Variants in RERE observed in about 807,000 individuals in gnomAD.
RERE encodes the protein arginine-glutamic acid dipeptide repeats, also known as arginine-glutamic acid dipeptide repeats protein.
In RERE, 40 loss-of-function variants were observed where a neutral mutation model predicts 146.1. That is an observed-to-expected ratio of 0.27 (90% confidence interval 0.21 to 0.36). The LOEUF is 0.36. Among genes scored for constraint, RERE ranks in the 10% least tolerant of loss-of-function variants. The probability of loss-of-function intolerance (pLI) is 1.00; values close to 1 mark genes in which losing one functional copy is unlikely to be tolerated. For synonymous variants in RERE, 1,003 were observed against 866.0 expected (o/e 1.16, Z -2.78); for missense variants, 1,933 against 2,138.7 (o/e 0.90, Z 1.90).
chr1:8,729,381 T>C (rs1375697961), intron 1 of RERE, among the ~76,000 whole-genome samples: 2 of 143,858 alleles, frequency 1.4e-5, no homozygotes, highest in Admixed American at 1.4e-4. Context: ...CGTGCCACCA[T>C]GCCTGGCTAA....
At chr1:8,783,849 G>C (rs778720605) in intron 1 of RERE, among the ~76,000 whole-genome samples, 1 of 152,036 alleles carries the variant, frequency 6.6e-6, no homozygotes, top group Non-Finnish European at 1.5e-5. Flanking sequence ...CTGAATGGGT[G>C]GTCCCCAGAA....
intron 11 of RERE, among the ~76,000 whole-genome samples, chr1:8,445,161 G>A (rs1644301566): frequency 6.6e-6 from 1 of 152,188 alleles, no homozygotes; most frequent in African/African-American, 2.4e-5. Flanking sequence ...TCTACCTAAA[G>A]GAAGACCCAG....
chr1:8,590,494 C>A (rs191602297), intron 4 of RERE, among the ~76,000 whole-genome samples: 73 of 152,194 alleles, frequency 4.8e-4, no homozygotes, highest in Admixed American at 1.6e-3. Context: ...TTTTATGAAA[C>A]TGCAGAGACT....
chr1:8,792,141 C>A (rs1319492685), intron 1 of RERE, among the ~76,000 whole-genome samples: 1 of 151,988 alleles, frequency 6.6e-6, no homozygotes, highest in African/African-American at 2.4e-5. Flanking sequence ...TATAAGAGCG[C>A]CTTCTTCACT....
At chr1:8,740,078 G>A (rs1411392902) in intron 1 of RERE, among the ~76,000 whole-genome samples, 1 of 151,810 alleles carries the variant, frequency 6.6e-6, no homozygotes, top group East Asian at 1.9e-4. Context: ...CAAGTTACTT[G>A]CCCCTGCTAA....
intron 12 of RERE, among the ~76,000 whole-genome samples, chr1:8,371,922 G>A (rs1642052216): frequency 1.3e-5 from 2 of 152,364 alleles, no homozygotes; most frequent in South Asian, 2.1e-4. Context: ...GTGCACAGAT[G>A]TGAGCAGGGT....
chr1:8,728,500 C>T (rs888589833), intron 1 of RERE, among the ~76,000 whole-genome samples: 13 of 150,174 alleles, frequency 8.7e-5, no homozygotes, highest in African/African-American at 2.7e-4. Context: ...ATGTTTAGAG[C>T]GAAAAAGTCT....
chr1:8,433,144 T>C (rs775937455), intron 11 of RERE, among the ~76,000 whole-genome samples: 2 of 152,228 alleles, frequency 1.3e-5, no homozygotes, highest in Non-Finnish European at 2.9e-5. Context: ...TCCCCCGTAC[T>C]GGTAACTAGC....
chr1:8,577,085 C>T (rs762309113), intron 4 of RERE, among the ~76,000 whole-genome samples: 7 of 151,424 alleles, frequency 4.6e-5, no homozygotes, highest in Non-Finnish European at 1.0e-4. Flanking sequence ...AGGAGAATGG[C>T]GTGAACCCGG....
chr1:8,777,501 G>A (rs1641087164), intron 1 of RERE, among the ~76,000 whole-genome samples: 1 of 150,818 alleles, frequency 6.6e-6, no homozygotes, highest in South Asian at 2.1e-4. Flanking sequence ...ACAGTAGTTT[G>A]AGACAGGTCA....
intron 7 of RERE, among the ~76,000 whole-genome samples, chr1:8,535,195 T>TA (rs1645709288): frequency 6.6e-6 from 1 of 152,168 alleles, no homozygotes; most frequent in Non-Finnish European, 1.5e-5. Context: ...GGATACAAAA[T>TA]AATTGGCCTA....
chr1:8,691,911 T>C (rs879740402), intron 1 of RERE, among the ~76,000 whole-genome samples: 2 of 152,224 alleles, frequency 1.3e-5, no homozygotes, highest in East Asian at 3.8e-4. Context: ...ACCTGTTGCA[T>C]AGTAAGCCCC....
intron 7 of RERE, among the ~76,000 whole-genome samples, chr1:8,540,500 T>C (rs552226451): frequency 6.6e-6 from 1 of 152,302 alleles, no homozygotes; most frequent in South Asian, 2.1e-4. Context: ...GTGGCTAACA[T>C]CCTGTTTTTA....
intron 7 of RERE, among the ~76,000 whole-genome samples, chr1:8,514,319 T>C (rs750660978): frequency 6.6e-6 from 1 of 152,250 alleles, no homozygotes; most frequent in African/African-American, 2.4e-5. Context: ...AAAAAGTGGC[T>C]AGCTTCGCTT....
At chr1:8,616,690 T>C (rs1646855886) in intron 3 of RERE, among the ~76,000 whole-genome samples, 1 of 152,228 alleles carries the variant, frequency 6.6e-6, no homozygotes, top group Admixed American at 6.5e-5. Context: ...AATAGTTTCT[T>C]AGAGTCCCTT....
rs1425885668 is a variant in RERE, at chr1:8,423,066, G to C, written c.1204-259C>G. On this transcript the variant is annotated intron_variant, in intron 11 of 22. Transcript: ENST00000400908. The surrounding 1 kb of genome is among the most constrained non-coding windows in gnomAD (Gnocchi z 5.4). ...AAGAGAAGGACGTCCTGCGTCTGAG[G>C]CTAAGAAGCAATCTGTCCCCCTCTT... 2.2e-6 allele frequency: 1 copy of C among 453,576 alleles called. No individual in the cohort carries two copies. The highest frequency in any genetic ancestry group is 2.0e-5 in the African/African-American group (1 of 51,180). 28.1% of individuals were successfully genotyped at this position (453,576 alleles called of 1,614,324 possible).
intron 4 of RERE, among the ~76,000 whole-genome samples, chr1:8,590,350 C>G (rs1366741960): frequency 6.6e-6 from 1 of 152,054 alleles, no homozygotes; most frequent in Non-Finnish European, 1.5e-5. Flanking sequence ...ACAAAGCCAT[C>G]AAATCAAAAA....
intron 2 of RERE, among the ~76,000 whole-genome samples, chr1:8,645,531 C>T (rs772984343): frequency 6.6e-6 from 1 of 152,148 alleles, no homozygotes; most frequent in African/African-American, 2.4e-5. Context: ...CAAATCTAAA[C>T]GTGTGTTTAA....
chr1:8,578,086 A>G (rs7547411), intron 4 of RERE, among the ~76,000 whole-genome samples: 96,429 of 151,180 alleles, frequency 0.64, 31,195 homozygotes, highest in East Asian at 0.83. Context: ...GCAGGACTCC[A>G]TCCGGGAAAG....
Sources: gnomAD v4.1 joint callset for allele counts (sites outside exome capture counted in the v4.1 genomes callset) on GRCh38, gnomAD v4.1.1 for gene constraint, Gnocchi (gnomAD v3.1) non-coding constraint, MANE v1.5 for transcripts, NCBI Gene and HGNC (gene_info 2026-07-23, HGNC 2026-07-21) for gene names.